Variants in KSR2 observed in about 807,000 individuals in gnomAD.
KSR2 encodes the protein kinase suppressor of ras 2.
Under a neutral mutation model 107.8 loss-of-function variants are expected in KSR2, and 25 were observed. The observed-to-expected ratio is 0.23, with a 90% CI of 0.17 to 0.32. KSR2 has a LOEUF of 0.32. Among genes scored for constraint, KSR2 ranks in the 10% least tolerant of loss-of-function variants. The probability of loss-of-function intolerance (pLI) is 1.00; values close to 1 mark genes in which losing one functional copy is unlikely to be tolerated. For synonymous variants in KSR2, 480 were observed against 507.0 expected, an observed-to-expected ratio of 0.95 and a Z score of 0.71; for missense variants, 887 against 1,268.9, an observed-to-expected ratio of 0.70 and a Z score of 4.57.
intron 1 of KSR2, among the ~76,000 whole-genome samples, chr12:117,905,325 A>T (rs1277222084): frequency 6.6e-6 from 1 of 152,206 alleles, no homozygotes; most frequent in African/African-American, 2.4e-5. Flanking sequence ...CTTTGTCCTA[A>T]ATAATAATAT....
At chr12:117,848,806 A>AGGGTG (rs1674607724) in intron 3 of KSR2, among the ~76,000 whole-genome samples, 1 of 126,622 alleles carries the variant, frequency 7.9e-6, no homozygotes, top group East Asian at 2.1e-4. Context: ...TGGTAACAAC[A>AGGGTG]GTGATGGTGG....
At chr12:117,497,850 G>A (rs1275456500) in intron 14 of KSR2, among the ~76,000 whole-genome samples, 2 of 152,174 alleles carry the variant, frequency 1.3e-5, no homozygotes, top group Non-Finnish European at 2.9e-5. Flanking sequence ...TATTTTTTGA[G>A]AGCAGGAAAT....
chr12:117,687,156 C>G (rs1885608114), intron 4 of KSR2, among the ~76,000 whole-genome samples: 1 of 152,214 alleles, frequency 6.6e-6, no homozygotes, highest in South Asian at 2.1e-4. Context: ...AGGTCAGAAT[C>G]TGTGTGGTTT....
chr12:117,784,905 T>C (rs1192158668), intron 3 of KSR2, among the ~76,000 whole-genome samples: 1 of 152,198 alleles, frequency 6.6e-6, no homozygotes, highest in East Asian at 1.9e-4. Flanking sequence ...TCAACTGGCA[T>C]TGGAGCACCA....
rs1870652720 is a variant in KSR2, at chr12:117,456,922, G to C, written c.*10277C>G. ...TCTTCTTCACAGTGAACTGGGAATT[G>C]CAAGGAAGGTAGAAAAGGCCCTTCA... is the stretch of plus-strand genomic sequence containing the variant. On this transcript the variant is annotated 3_prime_UTR_variant, in exon 20 of 20. Transcript: ENST00000339824. 6.6e-6 allele frequency: 1 copy of C among 151,868 alleles called. No homozygotes were observed. Among genetic ancestry groups the C allele is most frequent in the African/African-American group, 2.4e-5 (1 of 41,120 alleles). 9.4% of individuals were successfully genotyped at this position (151,868 alleles called of 1,614,324 possible).
chr12:117,667,362 G>C, intron 5 of KSR2, 112 bp downstream of exon 5: 2 of 1,024,442 alleles, frequency 2.0e-6, no homozygotes, highest in Non-Finnish European at 2.9e-6. Context: ...CATTTCACAA[G>C]CCCTTGAGAT....
At chr12:117,711,181 G>C (rs1044616408) in intron 4 of KSR2, among the ~76,000 whole-genome samples, 1 of 152,222 alleles carries the variant, frequency 6.6e-6, no homozygotes, top group Admixed American at 6.5e-5. Context: ...AGAGGGCAAA[G>C]ACATGAGATA....
chr12:117,776,068 C>G (rs1210820257), intron 3 of KSR2, among the ~76,000 whole-genome samples: 1 of 151,612 alleles, frequency 6.6e-6, no homozygotes, highest in African/African-American at 2.4e-5. Context: ...ACCTGTTCCC[C>G]AAAAAACTAT....
chr12:117,746,245 T>A (rs1251536661), intron 4 of KSR2, among the ~76,000 whole-genome samples: 1 of 152,014 alleles, frequency 6.6e-6, no homozygotes, highest in African/African-American at 2.4e-5. Context: ...TATAGACCAA[T>A]GAAACGGAAC....
chr12:117,603,690 A>G (rs1881079862), intron 5 of KSR2, among the ~76,000 whole-genome samples: 1 of 152,220 alleles, frequency 6.6e-6, no homozygotes, highest in Admixed American at 6.5e-5. Flanking sequence ...GAGAAATAAA[A>G]AGAAAATTCT....
At chr12:117,765,979 C>G (rs112516327) in intron 3 of KSR2, among the ~76,000 whole-genome samples, 1 of 152,168 alleles carries the variant, frequency 6.6e-6, no homozygotes, top group Non-Finnish European at 1.5e-5. Context: ...TATGCCAGCC[C>G]CTGCCCTCAA....
intron 4 of KSR2, among the ~76,000 whole-genome samples, chr12:117,689,974 G>A (rs1250297144): frequency 2.6e-5 from 4 of 151,810 alleles, no homozygotes; most frequent in African/African-American, 9.7e-5. Context: ...CAGGAAGGCA[G>A]GAGAGAAGGA....
chr12:117,899,959 A>G (rs1212595008), intron 1 of KSR2, among the ~76,000 whole-genome samples: 1 of 152,220 alleles, frequency 6.6e-6, no homozygotes, highest in Non-Finnish European at 1.5e-5. Context: ...AGCTGCAAGG[A>G]CATGAAATCT....
intron 3 of KSR2, among the ~76,000 whole-genome samples, chr12:117,794,557 GCA>G (rs779825441): frequency 5.0e-4 from 67 of 133,036 alleles, no homozygotes; most frequent in Admixed American, 1.9e-3. Flanking sequence ...CAACCAACAT[GCA>G]CACACACCAA....
At chr12:117,517,221 C>A (rs186700261) in intron 14 of KSR2, among the ~76,000 whole-genome samples, 1 of 152,310 alleles carries the variant, frequency 6.6e-6, no homozygotes, top group East Asian at 1.9e-4. Flanking sequence ...CGTTAAACCA[C>A]GTCATGTTTT....
At chr12:117,469,028 C>G (rs1871288599) in intron 19 of KSR2, among the ~76,000 whole-genome samples, 1 of 152,184 alleles carries the variant, frequency 6.6e-6, no homozygotes, top group Non-Finnish European at 1.5e-5. Context: ...CTCCCTTTTA[C>G]CTTCTAGAGA....
chr12:117,962,629 G>C (rs541215384), intron 1 of KSR2, among the ~76,000 whole-genome samples: 10 of 151,230 alleles, frequency 6.6e-5, no homozygotes, highest in African/African-American at 2.4e-4. Flanking sequence ...ATTTTTAGTA[G>C]AGACGGGGTT....
chr12:117,575,083 T>C (rs1315012029), intron 7 of KSR2, among the ~76,000 whole-genome samples: 2 of 152,156 alleles, frequency 1.3e-5, no homozygotes, highest in Non-Finnish European at 2.9e-5. Flanking sequence ...TTCTCTGCTT[T>C]GTCCACCTTC....
At chr12:117,770,901 C>T (rs569522031) in intron 3 of KSR2, among the ~76,000 whole-genome samples, 6 of 145,956 alleles carry the variant, frequency 4.1e-5, no homozygotes, top group Non-Finnish European at 7.4e-5. Flanking sequence ...GGTGTGAACC[C>T]GGGAGGCGGA....
Sources: gnomAD v4.1 joint callset for allele counts (sites outside exome capture counted in the v4.1 genomes callset) on GRCh38, gnomAD v4.1.1 for gene constraint, MANE v1.5 for transcripts, NCBI Gene and HGNC (gene_info 2026-07-23, HGNC 2026-07-21) for gene names.